Variants in PPARA observed in about 807,000 individuals in gnomAD.
PPARA encodes the protein peroxisome proliferator-activated receptor alpha.
In PPARA, 22 loss-of-function variants were observed where a neutral mutation model predicts 42.2. That is an observed-to-expected ratio of 0.52 (90% CI 0.37 to 0.74). The LOEUF (loss-of-function observed/expected upper bound fraction) is 0.74. PPARA is among the 30% of genes least tolerant of loss of function. PPARA has a pLI of 0.00. For synonymous variants in PPARA, 242 were observed against 239.3 expected, an observed-to-expected ratio of 1.01 and a Z score of -0.10; for missense variants, 465 against 608.2, an observed-to-expected ratio of 0.76 and a Z score of 2.48.
rs779141990 is a variant in PPARA at position 46,233,070 on chromosome 22, T to C, written c.1159+831T>C. ...TAATATTATAAACAGATATAATTTA[T>C]ATATTATGATATTCCTGTATATATT... On this transcript the variant is annotated intron_variant, in intron 8 of 8. Transcript: ENST00000407236. The surrounding 1 kb of genome is among the most constrained non-coding windows in gnomAD (Gnocchi z 7.3). Among the ~76,000 whole-genome samples the C allele has an allele frequency of 3.3e-5, 5 of 151,256 alleles. No homozygotes were observed. The highest frequency in any genetic ancestry group is 7.4e-5 in the Non-Finnish European group (5 of 67,856).
intron 3 of PPARA, among the ~76,000 whole-genome samples, chr22:46,178,853 T>C (rs1929547529): frequency 6.6e-6 from 1 of 152,130 alleles, no homozygotes; most frequent in South Asian, 2.1e-4. Context: ...ATCAGGTGTG[T>C]ACCAATGAGA....
chr22:46,199,220 T>TTG lies in PPARA; in HGVS notation c.208+629_208+630insTG, dbSNP rs1280715148. ...TTTTAAGAGGAGACGTGTGCAAGGG[T>TTG]CTGCATAGAGGTACTGTTGGTAAGA... is the stretch of plus-strand genomic sequence containing the variant. On this transcript the variant is annotated intron_variant, in intron 4 of 8. Transcript: ENST00000407236. Among the ~76,000 whole-genome samples, 15 of 152,132 alleles carry TTG rather than the reference T, an allele frequency of 9.9e-5. No homozygotes were observed. The East Asian group carries it at 2.7e-3, about 27-fold the overall frequency.
chr22:46,223,729 T>C (rs2147625776), intron 7 of PPARA, among the ~76,000 whole-genome samples: 1 of 149,750 alleles, frequency 6.7e-6, no homozygotes, highest in African/African-American at 2.5e-5. Context: ...GAGGGCGGAT[T>C]ACCTGAGCTC....
chr22:46,216,814 G>A lies in PPARA; in HGVS notation c.370-1449G>A, dbSNP rs548474089. Among the ~76,000 whole-genome samples, 36 of 152,340 alleles carry A rather than the reference G, an allele frequency of 2.4e-4. No individual in the cohort carries two copies. The highest frequency in any genetic ancestry group is 3.4e-3 in the Middle Eastern group (1 of 294). On this transcript the variant is annotated intron_variant, in intron 5 of 8. Transcript: ENST00000407236. The surrounding 1 kb of genome is among the most constrained non-coding windows in gnomAD (Gnocchi z 4.5). ...GTGGCCCTTCCGTGTTTGTCAGCGT[G>A]GTGATGAGGAGAGCTCCTGTAGCAG...
rs1281833611 is a variant in PPARA at position 46,180,604 on chromosome 22, G to A, written c.-43+3768G>A. On this transcript the variant is annotated intron_variant, in intron 3 of 8. Transcript: ENST00000407236. The surrounding 1 kb of genome is among the most constrained non-coding windows in gnomAD (Gnocchi z 4.2). Reference sequence around the variant, plus strand: ...CACAAGAATATCACAAGATGATAACGGCCTTTATTCTCACTTCTGTATGCC... The same window carrying A: ...CACAAGAATATCACAAGATGATAACAGCCTTTATTCTCACTTCTGTATGCC... Among the ~76,000 whole-genome samples, 3 of 152,036 alleles carry A rather than the reference G, an allele frequency of 2.0e-5. No individual in the cohort carries two copies. The highest frequency in any genetic ancestry group is 2.0e-4 in the Admixed American group (3 of 15,254).
At chr22:46,209,361 T>C (rs1470012328) in intron 4 of PPARA, among the ~76,000 whole-genome samples, 1 of 152,214 alleles carries the variant, frequency 6.6e-6, no homozygotes, top group African/African-American at 2.4e-5. Context: ...GTGCACTTAT[T>C]GTTTTCATCA....
rs563798984 is a variant in PPARA at position 46,188,085 on chromosome 22, C to A, written c.-42-10257C>A. On this transcript the variant is annotated intron_variant, in intron 3 of 8. Coordinates refer to ENST00000407236, the MANE Select transcript of PPARA (RefSeq NM_005036.6). This position sits in a 1 kb window ranked among gnomAD's most constrained non-coding sequence, Gnocchi z 5.0. ...CAGGCATGTGACTGAGGCCATCCAG[C>A]CATAGCTGAGCCACAAAATGACCAC... Among the ~76,000 whole-genome samples, 6 of 152,344 alleles carry A rather than the reference C, an allele frequency of 3.9e-5. No individual in the cohort carries two copies. The East Asian group carries it at 1.2e-3, about 29-fold the overall frequency.
At chr22:46,209,675 A>T (rs575270672) in intron 4 of PPARA, among the ~76,000 whole-genome samples, 1 of 152,274 alleles carries the variant, frequency 6.6e-6, no homozygotes, top group African/African-American at 2.4e-5. Flanking sequence ...GTTTTCACCC[A>T]TGTATCTATA....
chr22:46,152,016 G>C (rs1350904783), intron 2 of PPARA, 46 bp downstream of exon 2: 1 of 152,048 alleles, frequency 6.6e-6, no homozygotes, highest in Non-Finnish European at 1.5e-5. Flanking sequence ...AAATATTTAA[G>C]TGTTTTCAGT....
At position 46,219,903 on chromosome 22, in the gene PPARA, T is replaced by C. The variant is rs1934859167; in HGVS notation, c.600T>C (p.Thr200=). ...AACATGACATAGAAGATTCTGAAAC[T>C]GCAGATCTCAAATCTCTGGCCAAGA... The part of the protein sequence containing the change: ...TCEHDIEDSE[T]ADLKSLAKRI... Residue 200 remains threonine (T), a synonymous_variant, in exon 7 of 9, where the codon ACT becomes ACC. Transcript: ENST00000407236. The surrounding 1 kb of genome is among the most constrained non-coding windows in gnomAD (Gnocchi z 4.8). 1.9e-6 allele frequency: 3 copies of C among 1,614,218 alleles called. No individual in the cohort carries two copies. Among genetic ancestry groups the C allele is most frequent in the Non-Finnish European group, 1.7e-6 (2 of 1,180,032 alleles).
rs928262328 is a variant in PPARA, at chr22:46,196,038, G to A, written c.-42-2304G>A. Among the ~76,000 whole-genome samples, 15 of 152,174 alleles carry A rather than the reference G, an allele frequency of 9.9e-5. No individual in the cohort carries two copies. The highest frequency in any genetic ancestry group is 2.1e-4 in the South Asian group (1 of 4,830). On this transcript the variant is annotated intron_variant, in intron 3 of 8. Coordinates refer to ENST00000407236, the MANE Select transcript of PPARA (RefSeq NM_005036.6). This position sits in a 1 kb window ranked among gnomAD's most constrained non-coding sequence, Gnocchi z 5.6. ...TGGAATCCTGAAAGCAATTCTCAGC[G>A]CTGCTGCGTTTCCAGGAGGTAGAAG...
At position 46,205,548 on chromosome 22, in the gene PPARA, A is replaced by G. The variant is rs1333230877; in HGVS notation, c.208+6957A>G. 5.5e-3 allele frequency among the ~76,000 whole-genome samples: 162 copies of G among 29,438 alleles called. 6 individuals are homozygous for G. Among genetic ancestry groups the G allele is most frequent in the East Asian group, 0.024 (29 of 1,206 alleles). The allele number at this position is 29,438 out of a possible 152,430, so 19.3% of individuals were successfully genotyped here. On this transcript the variant is annotated intron_variant, in intron 4 of 8. Coordinates refer to ENST00000407236, the MANE Select transcript of PPARA (RefSeq NM_005036.6). ...TATATATATATATATATATATATATATATATATTTTTTTTTTTTTTTTTTT... is the reference window on the plus strand; with the variant it reads ...TATATATATATATATATATATATATGTATATATTTTTTTTTTTTTTTTTTT...
chr22:46,207,180 G>A (rs1057307514), intron 4 of PPARA, among the ~76,000 whole-genome samples: 4 of 150,276 alleles, frequency 2.7e-5, no homozygotes, highest in South Asian at 2.1e-4. Context: ...CCAAGATCAC[G>A]CCACTGCACA....
Position 46,187,008 on chromosome 22 carries a change from C to G in PPARA, c.-43+10172C>G, listed in dbSNP as rs546440076. Among the ~76,000 whole-genome samples, 14 of 152,328 alleles carry G rather than the reference C, an allele frequency of 9.2e-5. 1 individual carries two copies. In the South Asian group the frequency reaches 2.9e-3, roughly 32 times the overall value. ...CTCTCTCTCAGAATATCTTATTGTA[C>G]TGTACTGGGGGTAACTAAAACCAAG... On this transcript the variant is annotated intron_variant, in intron 3 of 8. Coordinates refer to ENST00000407236, the MANE Select transcript of PPARA (RefSeq NM_005036.6). This position sits in a 1 kb window ranked among gnomAD's most constrained non-coding sequence, Gnocchi z 4.9.
rs1934524845 is a variant in PPARA at position 46,216,682 on chromosome 22, G to A, written c.369+1349G>A. On this transcript the variant is annotated intron_variant, in intron 5 of 8. Transcript: ENST00000407236. This position sits in a 1 kb window ranked among gnomAD's most constrained non-coding sequence, Gnocchi z 4.5. ...CTGATTCAAGCGACAGGAACCCCCT[G>A]TGCATCTTCATCCTCCTGCTGGCTC... is the stretch of plus-strand genomic sequence containing the variant. Among the ~76,000 whole-genome samples, 1 of 152,192 alleles carries A rather than the reference G, an allele frequency of 6.6e-6. No individual in the cohort carries two copies. The highest frequency in any genetic ancestry group is 1.5e-5 in the Non-Finnish European group (1 of 68,032).
At chr22:46,159,997 G>A (rs150061027) in intron 2 of PPARA, among the ~76,000 whole-genome samples, 10 of 152,130 alleles carry the variant, frequency 6.6e-5, no homozygotes, top group Non-Finnish European at 1.0e-4. Flanking sequence ...CAGAGATTCC[G>A]ATCACAAGCT....
At chr22:46,186,492 C>T (rs1335813126) in intron 3 of PPARA, among the ~76,000 whole-genome samples, 1 of 152,076 alleles carries the variant, frequency 6.6e-6, no homozygotes, top group Non-Finnish European at 1.5e-5. Context: ...GCAAGGATTC[C>T]CAGTAACGAG....
chr22:46,231,659 C>T lies in PPARA; in HGVS notation c.712-133C>T. 1.1e-6 allele frequency: 1 copy of T among 869,604 alleles called. No homozygotes were observed. Among genetic ancestry groups the T allele is most frequent in the Non-Finnish European group, 1.9e-6 (1 of 530,238 alleles). 53.9% of individuals were successfully genotyped at this position (869,604 alleles called of 1,614,324 possible). A position where few individuals can be genotyped will look rare whatever the true frequency, so the allele number is the denominator to read the frequency against. Reference sequence around the variant, plus strand: ...TTTGAAGTTGAGTAAGGACTATGTTCCGCGGGTATCTTGAGTCCTCTGAGG... The same window carrying T: ...TTTGAAGTTGAGTAAGGACTATGTTTCGCGGGTATCTTGAGTCCTCTGAGG... On this transcript the variant is annotated intron_variant, in intron 7 of 8. Coordinates refer to ENST00000407236, the MANE Select transcript of PPARA (RefSeq NM_005036.6). The surrounding 1 kb of genome is among the most constrained non-coding windows in gnomAD (Gnocchi z 7.7).
chr22:46,197,708 C>G (rs988596579), intron 3 of PPARA, among the ~76,000 whole-genome samples: 2 of 151,218 alleles, frequency 1.3e-5, no homozygotes, highest in Non-Finnish European at 2.9e-5. Flanking sequence ...TTGAGACCAG[C>G]CTGGCCAGCA....
Sources: allele counts gnomAD v4.1 joint callset (sites outside exome capture counted in the v4.1 genomes callset), GRCh38; gene constraint gnomAD v4.1.1; non-coding constraint Gnocchi (gnomAD v3.1); transcripts MANE v1.5; gene names NCBI Gene and HGNC (gene_info 2026-07-23, HGNC 2026-07-21).